The following EPHA6 variants were observed in gnomAD, a reference collection of about 807,000 sequenced individuals.
The protein encoded by EPHA6 is ephrin type-A receptor 6.
EPHA6 carries 50 observed loss-of-function variants against 112.0 expected under a neutral mutation model. That is an observed-to-expected ratio of 0.45 (90% CI 0.36 to 0.56). EPHA6 has a LOEUF of 0.56. EPHA6 is among the 20% of genes least tolerant of loss of function. The pLI, the probability that EPHA6 is intolerant of heterozygous loss-of-function variation, is 0.00. For missense variants in EPHA6, 1,280 were observed against 1,417.4 expected (o/e 0.90, Z 1.56); for synonymous variants, 529 against 490.7 (o/e 1.08, Z -1.03).
intron 5 of EPHA6, among the ~76,000 whole-genome samples, chr3:97,395,478 G>A (rs564029479): frequency 2.0e-5 from 3 of 151,786 alleles, no homozygotes; most frequent in South Asian, 4.1e-4. Context: ...TAAAATTATC[G>A]TTTTTGATTA....
At chr3:97,435,171 G>C (rs1316619085) in intron 6 of EPHA6, among the ~76,000 whole-genome samples, 1 of 151,750 alleles carries the variant, frequency 6.6e-6, no homozygotes, top group Non-Finnish European at 1.5e-5. Flanking sequence ...TCAATGAGAA[G>C]AATGTAATAG....
At chr3:97,114,495 G>A (rs893402272) in intron 3 of EPHA6, among the ~76,000 whole-genome samples, 1 of 151,812 alleles carries the variant, frequency 6.6e-6, no homozygotes, top group East Asian at 1.9e-4. Flanking sequence ...TTATATAATC[G>A]TCAGTGCTTT....
At chr3:96,995,418 C>A (rs955023694) in intron 3 of EPHA6, among the ~76,000 whole-genome samples, 1 of 152,122 alleles carries the variant, frequency 6.6e-6, no homozygotes, top group Non-Finnish European at 1.5e-5. Flanking sequence ...TATATTATAA[C>A]CTTCAATTCC....
Position 97,751,771 on chromosome 3 carries a change from C to A in EPHA6, c.*3070C>A, listed in dbSNP as rs1052291310. On this transcript the variant is annotated 3_prime_UTR_variant, in exon 18 of 18. Coordinates refer to ENST00000389672, the MANE Select transcript of EPHA6 (RefSeq NM_001080448.3). ...AAGTCTTCAGGAATAATCTTTGATA[C>A]CTAAAATATGCATATAGACTCACAT... 6.6e-6 allele frequency among the ~76,000 whole-genome samples: 1 copy of A among 152,018 alleles called. No individual in the cohort carries two copies. Among genetic ancestry groups the A allele is most frequent in the South Asian group, 2.1e-4 (1 of 4,830 alleles).
chr3:97,423,449 G>C (rs1318246959), intron 6 of EPHA6, among the ~76,000 whole-genome samples: 1 of 152,050 alleles, frequency 6.6e-6, no homozygotes, highest in African/African-American at 2.4e-5. Flanking sequence ...TAGCCAGGGA[G>C]GTGAAAGATC....
intron 3 of EPHA6, among the ~76,000 whole-genome samples, chr3:97,196,293 T>C (rs1158374431): frequency 6.6e-6 from 1 of 151,952 alleles, no homozygotes; most frequent in East Asian, 1.9e-4. Flanking sequence ...ATATTTCAAC[T>C]GAATCTTTCA....
At chr3:97,289,861 T>C (rs1401529486) in intron 5 of EPHA6, among the ~76,000 whole-genome samples, 1 of 152,114 alleles carries the variant, frequency 6.6e-6, no homozygotes, top group Non-Finnish European at 1.5e-5. Context: ...TTGATTTGGC[T>C]CTCGGCTAGT....
intron 3 of EPHA6, among the ~76,000 whole-genome samples, chr3:97,193,144 A>G (rs1393656002): frequency 6.6e-6 from 1 of 152,032 alleles, no homozygotes; most frequent in East Asian, 1.9e-4. Context: ...TTTCATATAC[A>G]TTTTAGGCTT....
chr3:96,993,445 G>A (rs534970073), intron 3 of EPHA6, among the ~76,000 whole-genome samples: 28 of 152,046 alleles, frequency 1.8e-4, no homozygotes, highest in Non-Finnish European at 3.2e-4. Context: ...TTGTTGGACA[G>A]GATAGTCTCA....
chr3:97,482,221 A>G (rs2091573517), intron 9 of EPHA6, among the ~76,000 whole-genome samples: 1 of 152,246 alleles, frequency 6.6e-6, no homozygotes, highest in African/African-American at 2.4e-5. Context: ...AGTTAAAACC[A>G]CATATGAGTT....
At chr3:97,735,526 A>T (rs2035215755) in intron 15 of EPHA6, among the ~76,000 whole-genome samples, 1 of 152,078 alleles carries the variant, frequency 6.6e-6, no homozygotes, top group Non-Finnish European at 1.5e-5. Flanking sequence ...GCTTCAACAG[A>T]ATTTTTCTTA....
At chr3:97,648,208 G>A (rs2094080999) in intron 14 of EPHA6, 1 of 647,892 alleles carries the variant, frequency 1.5e-6, no homozygotes, top group Non-Finnish European at 2.8e-6. Context: ...GAAATACAGA[G>A]CCTCATTATT....
chr3:97,652,468 G>A (rs79794064), intron 14 of EPHA6, among the ~76,000 whole-genome samples: 1,997 of 152,100 alleles, frequency 0.013, 40 homozygotes, highest in African/African-American at 0.045. Flanking sequence ...GGATTTATAT[G>A]TCAGTTATAG....
chr3:97,319,776 A>G (rs1037977427), intron 5 of EPHA6, among the ~76,000 whole-genome samples: 6 of 151,870 alleles, frequency 4.0e-5, no homozygotes, highest in Non-Finnish European at 7.4e-5. Flanking sequence ...TATTACTGAA[A>G]GTATTTCTAT....
intron 7 of EPHA6, among the ~76,000 whole-genome samples, chr3:97,473,786 G>A (rs16838744): frequency 0.19 from 28,727 of 151,576 alleles, 4,098 homozygotes; most frequent in African/African-American, 0.38. Context: ...AGGAAATTCA[G>A]TGAAGACCTA....
chr3:97,693,202 A>G (rs1207087880), intron 14 of EPHA6, among the ~76,000 whole-genome samples: 4 of 152,224 alleles, frequency 2.6e-5, no homozygotes, highest in African/African-American at 9.6e-5. Context: ...AGGGCCTGGC[A>G]GGATGGGTAC....
intron 6 of EPHA6, among the ~76,000 whole-genome samples, chr3:97,426,983 A>T (rs1381240385): frequency 6.6e-6 from 1 of 152,204 alleles, no homozygotes; most frequent in Non-Finnish European, 1.5e-5. Context: ...ATCAAAGCCA[A>T]AATGAGATAC....
intron 10 of EPHA6, among the ~76,000 whole-genome samples, chr3:97,523,853 A>G (rs1056188178): frequency 3.9e-5 from 6 of 152,020 alleles, no homozygotes; most frequent in Non-Finnish European, 8.8e-5. Context: ...TCATTCTAAT[A>G]TAACAATTAT....
intron 2 of EPHA6, among the ~76,000 whole-genome samples, chr3:96,970,880 G>A (rs1377610314): frequency 6.6e-6 from 1 of 152,006 alleles, no homozygotes; most frequent in Non-Finnish European, 1.5e-5. Flanking sequence ...AGGATAATAT[G>A]CTTCATTCTC....
Sources: gnomAD v4.1 joint callset for allele counts (sites outside exome capture counted in the v4.1 genomes callset) on GRCh38, gnomAD v4.1.1 for gene constraint, MANE v1.5 for transcripts, NCBI Gene and HGNC (gene_info 2026-07-23, HGNC 2026-07-21) for gene names.